GALNTL5: variants seen among roughly 807,000 people sequenced by gnomAD.
GALNTL5 encodes the protein inactive polypeptide N-acetylgalactosaminyltransferase-like protein 5.
Under a neutral mutation model 51.0 loss-of-function variants are expected in GALNTL5, and 44 were observed. The ratio of observed to expected loss-of-function variants is 0.86; its 90% confidence interval spans 0.68 to 1.11. The LOEUF is 1.11. Ranked by LOEUF, GALNTL5 falls within the 50% of genes least tolerant of loss-of-function variation. The pLI is 0.00. For synonymous variants in GALNTL5, 192 were observed against 182.8 expected (o/e 1.05, Z -0.41); for missense variants, 528 against 531.8 (o/e 0.99, Z 0.07).
chr7:151,961,938 C>A (rs1043108369), intron 1 of GALNTL5, among the ~76,000 whole-genome samples: 1 of 151,818 alleles, frequency 6.6e-6, no homozygotes. Flanking sequence ...CCTGCCCAGC[C>A]CCCAGTTCAA....
chr7:152,007,841 C>G lies in GALNTL5; in HGVS notation c.923C>G (p.Ser308Cys). The change falls in exon 7 of 9, where the codon TCT becomes TGT. Residue 308 changes from serine to cysteine, a missense_variant. Coordinates refer to ENST00000392800, the MANE Select transcript of GALNTL5 (RefSeq NM_145292.4). ...CCCCTTTCTAGGTCACCTGCAATGTCTGGAGGAATTTTTGCTATACGTCGG... is the reference window on the plus strand; with the variant it reads ...CCCCTTTCTAGGTCACCTGCAATGTGTGGAGGAATTTTTGCTATACGTCGG... The part of the protein sequence containing the change: ...STKPIRSPAM[S>C]GGIFAIRRHY... The G allele has an allele frequency of 6.2e-7, 1 of 1,602,586 alleles. No homozygotes were observed. Among genetic ancestry groups the G allele is most frequent in the South Asian group, 1.1e-5 (1 of 90,668 alleles).
At chr7:151,966,723 C>T (rs1405545855) in intron 1 of GALNTL5, among the ~76,000 whole-genome samples, 1 of 152,198 alleles carries the variant, frequency 6.6e-6, no homozygotes, top group Non-Finnish European at 1.5e-5. Context: ...TACATATCTT[C>T]AACATGACTA....
chr7:151,970,140 G>C (rs2081114954), intron 2 of GALNTL5, among the ~76,000 whole-genome samples: 1 of 106,130 alleles, frequency 9.4e-6, no homozygotes, highest in African/African-American at 3.0e-5. Flanking sequence ...GGGTGGGGAG[G>C]GGGTAGTTGG....
chr7:151,995,390 T>TTTTTTTTTGG (rs2081486806), intron 5 of GALNTL5: 1 of 97,846 alleles, frequency 1.0e-5, no homozygotes, highest in Non-Finnish European at 2.0e-5. Context: ...TTTTTTTTTT[T>TTTTTTTTTGG]GCATGGGAGC....
intron 5 of GALNTL5, among the ~76,000 whole-genome samples, chr7:151,990,965 G>C (rs148041635): frequency 4.3e-4 from 65 of 152,198 alleles, no homozygotes; most frequent in African/African-American, 1.6e-3. Context: ...TATAATAGTA[G>C]CTAGCTTTAA....
chr7:151,973,044 C>T (rs544838502), intron 3 of GALNTL5, among the ~76,000 whole-genome samples: 63 of 152,212 alleles, frequency 4.1e-4, no homozygotes, highest in Admixed American at 7.2e-4. Context: ...AAAGCAGCTG[C>T]GGGGGATGTA....
chr7:152,000,501 T>C (rs1260582425), intron 5 of GALNTL5, among the ~76,000 whole-genome samples: 8 of 152,194 alleles, frequency 5.3e-5, no homozygotes, highest in African/African-American at 1.7e-4. Context: ...TTTCCTGTTC[T>C]CTGTACTCCT....
chr7:151,996,369 C>T (rs898533256), intron 5 of GALNTL5, among the ~76,000 whole-genome samples: 1 of 152,026 alleles, frequency 6.6e-6, no homozygotes, highest in Non-Finnish European at 1.5e-5. Flanking sequence ...TCCCCCCACC[C>T]CACAACAGTC....
In GALNTL5 at chr7:151,967,516, G is replaced by T. The variant is rs368168279; in HGVS notation, c.247+23G>T. On this transcript the variant is annotated intron_variant, in intron 2 of 8. Transcript: ENST00000392800. ...TAGGTAAGTATTTGGATTTTTTTCC[G>T]TTAGCCATTTGAAGGGGAAAATGTA... 6 of 1,601,698 alleles carry T rather than the reference G, an allele frequency of 3.7e-6. No homozygotes were observed. In the African/African-American group the frequency reaches 6.7e-5, roughly 18 times the overall value.
chr7:151,967,565 A>T, intron 2 of GALNTL5, 72 bp downstream of exon 2: 1 of 1,318,666 alleles, frequency 7.6e-7, no homozygotes, highest in Admixed American at 2.1e-5. Context: ...TATTTGGAAG[A>T]GTACGAGACT....
intron 8 of GALNTL5, among the ~76,000 whole-genome samples, chr7:152,018,164 A>G (rs563921402): frequency 6.6e-6 from 1 of 152,358 alleles, no homozygotes; most frequent in South Asian, 2.1e-4. Flanking sequence ...AATTATTGAC[A>G]TACTTTTTTG....
chr7:152,014,167 G>C (rs2081775499), intron 7 of GALNTL5, among the ~76,000 whole-genome samples: 1 of 152,198 alleles, frequency 6.6e-6, no homozygotes, highest in South Asian at 2.1e-4. Context: ...CTATGTGTTA[G>C]TTTCCTCATC....
chr7:151,992,146 T>C (rs1372534985), intron 5 of GALNTL5, among the ~76,000 whole-genome samples: 1 of 152,162 alleles, frequency 6.6e-6, no homozygotes, highest in African/African-American at 2.4e-5. Context: ...TAGTCGTTAG[T>C]GGTTGGTGGG....
intron 7 of GALNTL5, among the ~76,000 whole-genome samples, chr7:152,012,319 T>C (rs2081747018): frequency 6.6e-6 from 1 of 152,200 alleles, no homozygotes; most frequent in Non-Finnish European, 1.5e-5. Context: ...GGAGGTCTTA[T>C]TTACTTGAGT....
chr7:151,967,596 CT>C, intron 2 of GALNTL5, 103 bp downstream of exon 2: 1 of 915,846 alleles, frequency 1.1e-6, no homozygotes, highest in East Asian at 2.6e-5. Context: ...AAGCAATTTA[CT>C]TTTTAAGATA....
intron 1 of GALNTL5, among the ~76,000 whole-genome samples, chr7:151,964,420 T>G (rs1013112578): frequency 2.6e-5 from 4 of 152,116 alleles, no homozygotes; most frequent in African/African-American, 9.7e-5. Flanking sequence ...GGTAGGTCAT[T>G]GAATCATGGG....
At chr7:151,980,058 A>G (rs1222267705) in intron 3 of GALNTL5, among the ~76,000 whole-genome samples, 1 of 151,848 alleles carries the variant, frequency 6.6e-6, no homozygotes, top group Non-Finnish European at 1.5e-5. Flanking sequence ...TTTCTCTCCT[A>G]CTTTCTGTCT....
In GALNTL5 at chr7:151,967,498, G is replaced by A; in HGVS notation, c.247+5G>A. ...ATAAAGCAAAGTCTATGTTAGGTAA[G>A]TATTTGGATTTTTTTCCGTTAGCCA... On this transcript the variant is annotated splice_donor_5th_base_variant and intron_variant, in intron 2 of 8. Coordinates refer to ENST00000392800, the MANE Select transcript of GALNTL5 (RefSeq NM_145292.4). 1 of 1,606,118 alleles carries A rather than the reference G, an allele frequency of 6.2e-7. No homozygotes were observed.
At chr7:151,984,984 A>C (rs1997337) in intron 4 of GALNTL5, among the ~76,000 whole-genome samples, 102,755 of 151,944 alleles carry the variant, frequency 0.68, 36,422 homozygotes, top group Middle Eastern at 0.85. Flanking sequence ...TGGGTGGCTT[A>C]AACAACAAAC....
Sources: allele counts gnomAD v4.1 joint callset (sites outside exome capture counted in the v4.1 genomes callset), GRCh38; gene constraint gnomAD v4.1.1; transcripts MANE v1.5; gene names NCBI Gene and HGNC (gene_info 2026-07-23, HGNC 2026-07-21).